The following TSC1 variants were observed in gnomAD, a reference collection of about 807,000 sequenced individuals.
TSC1 encodes the protein TSC complex subunit 1, also known as hamartin.
TSC1 carries 20 observed loss-of-function variants against 124.3 expected under a neutral mutation model. That is an observed-to-expected ratio of 0.16 (90% CI 0.11 to 0.23). The LOEUF (loss-of-function observed/expected upper bound fraction) is 0.23, where lower values mean the gene tolerates loss of function less well. Ranked by LOEUF, TSC1 falls within the 10% of genes least tolerant of loss-of-function variation. The pLI is 1.00. For synonymous variants in TSC1, 493 were observed against 539.1 expected, an observed-to-expected ratio of 0.91 and a Z score of 1.19; for missense variants, 1,124 against 1,448.5, an observed-to-expected ratio of 0.78 and a Z score of 3.64.
At chr9:132,926,314 T>C (rs1042053708) in intron 4 of TSC1, 3 of 170,156 alleles carry the variant, frequency 1.8e-5, no homozygotes, top group Admixed American at 1.6e-4. Context: ...GGGAACACAA[T>C]GAGACCTCAC....
intron 1 of TSC1, among the ~76,000 whole-genome samples, chr9:132,937,584 T>C (rs1847524791): frequency 6.6e-6 from 1 of 152,210 alleles, no homozygotes; most frequent in African/African-American, 2.4e-5. Context: ...AAAAGAAATA[T>C]CTAAGGCAAG....
intron 1 of TSC1, among the ~76,000 whole-genome samples, chr9:132,943,221 GCTTT>G (rs906794150): frequency 2.1e-5 from 3 of 143,370 alleles, no homozygotes; most frequent in Admixed American, 7.0e-5. Context: ...TTATTTGTAT[GCTTT>G]CTATTTAAAA....
intron 1 of TSC1, chr9:132,943,627 G>A (rs920668696): frequency 6.6e-6 from 1 of 152,180 alleles, no homozygotes; most frequent in Non-Finnish European, 1.5e-5. Flanking sequence ...TGAGAAGATT[G>A]GAGGTGTTAA....
In TSC1 at chr9:132,912,646, T is replaced by C. The variant is rs1328726584; in HGVS notation, c.738-189A>G. 9.4e-6 allele frequency: 6 copies of C among 635,714 alleles called. No homozygotes were observed. The Admixed American group carries it at 1.6e-4, about 17-fold the overall frequency. 39.4% of individuals were successfully genotyped at this position (635,714 alleles called of 1,614,324 possible). On this transcript the variant is annotated intron_variant, in intron 8 of 22. Coordinates refer to ENST00000298552, the MANE Select transcript of TSC1 (RefSeq NM_000368.5). ...TCATTTTACAATCCTATACCTTCCC[T>C]GTTTAAAATGGTTATATCAAGTTTA...
At position 132,894,321 on chromosome 9, in the gene TSC1, TGAG is replaced by T. The variant is rs758358370; in HGVS notation, c.*1911_*1913del. 11 of 230,840 alleles carry T rather than the reference TGAG, an allele frequency of 4.8e-5. No homozygotes were observed. Among genetic ancestry groups the T allele is most frequent in the Non-Finnish European group, 6.9e-5 (8 of 116,396 alleles). 14.3% of individuals were successfully genotyped at this position (230,840 alleles called of 1,614,324 possible). ...TTCTATGGCACAGATCTCTTGGGCA[TGAG>T]GAGAAGGAAAGCACTTAAAACCAGT... On this transcript the variant is annotated 3_prime_UTR_variant, in exon 23 of 23. Transcript: ENST00000298552.
At position 132,906,521 on chromosome 9, in the gene TSC1, C is replaced by T; in HGVS notation, c.1438+210G>A. 4 of 558,500 alleles carry T rather than the reference C, an allele frequency of 7.2e-6. No individual in the cohort carries two copies. The South Asian group carries it at 8.1e-5, about 11-fold the overall frequency. The allele number at this position is 558,500 out of a possible 1,614,324, so 34.6% of individuals were successfully genotyped here. A position where few individuals can be genotyped will look rare whatever the true frequency, so the allele number is the denominator to read the frequency against. On this transcript the variant is annotated intron_variant, in intron 14 of 22. Coordinates refer to ENST00000298552, the MANE Select transcript of TSC1 (RefSeq NM_000368.5). This position sits in a 1 kb window ranked among gnomAD's most constrained non-coding sequence, Gnocchi z 4.1. ...CCATGATCGTACCACTGCACTCCAGCCAGGGTGACAGAGCAAGACCCTGTC... is the reference window on the plus strand; with the variant it reads ...CCATGATCGTACCACTGCACTCCAGTCAGGGTGACAGAGCAAGACCCTGTC...
At chr9:132,904,318 G>A (rs1489014317) in intron 16 of TSC1, 93 bp downstream of exon 16, 7 of 1,414,586 alleles carry the variant, frequency 4.9e-6, no homozygotes, top group Non-Finnish European at 6.9e-6. Flanking sequence ...GGGGAGATCT[G>A]TTTCCCAGAG....
intron 3 of TSC1, 71 bp downstream of exon 3, chr9:132,928,696 G>A: frequency 6.3e-7 from 1 of 1,590,972 alleles, no homozygotes; most frequent in Admixed American, 1.7e-5. Flanking sequence ...TGTATCAGCA[G>A]GATTCTAGTG....
Position 132,928,903 on chromosome 9 carries a change from A to AG in TSC1, c.-32dup. 1 of 1,613,412 alleles carries AG rather than the reference A, an allele frequency of 6.2e-7. No homozygotes were observed. The highest frequency in any genetic ancestry group is 1.8e-4 in the Middle Eastern group (1 of 5,686). ...CGCTCGAAGGCGCTGTGCTGGCTCC[A>AG]GGACGTGTGCTACAGGTTCTGAAGG... On this transcript the variant is annotated 5_prime_UTR_variant, in exon 3 of 23. Coordinates refer to ENST00000298552, the MANE Select transcript of TSC1 (RefSeq NM_000368.5).
intron 1 of TSC1, among the ~76,000 whole-genome samples, chr9:132,937,338 G>A (rs1847507691): frequency 1.3e-5 from 2 of 152,228 alleles, no homozygotes; most frequent in African/African-American, 2.4e-5. Flanking sequence ...AGCTACTCGG[G>A]AGGCTAAGGC....
Position 132,928,876 on chromosome 9 carries a change from C to A in TSC1, c.-4G>T, listed in dbSNP as rs755266452. 6.2e-7 allele frequency: 1 copy of A among 1,614,112 alleles called. No homozygotes were observed. Among genetic ancestry groups the A allele is most frequent in the South Asian group, 1.1e-5 (1 of 91,072 alleles). On this transcript the variant is annotated 5_prime_UTR_variant, in exon 3 of 23. Transcript: ENST00000298552. ...CGACATTTGCTTGTTGGGCCATTCT[C>A]TCGCTCGAAGGCGCTGTGCTGGCTC...
Position 132,923,246 on chromosome 9 carries a change from T to C in TSC1, c.508+102A>G. On this transcript the variant is annotated intron_variant, in intron 6 of 22. Coordinates refer to ENST00000298552, the MANE Select transcript of TSC1 (RefSeq NM_000368.5). This position sits in a 1 kb window ranked among gnomAD's most constrained non-coding sequence, Gnocchi z 4.2. ...TCTGGTGAAAACCACTCATTTCAGCTATAAAAGTCTACATGTCCATTCCTT... is the reference window on the plus strand; with the variant it reads ...TCTGGTGAAAACCACTCATTTCAGCCATAAAAGTCTACATGTCCATTCCTT... The C allele has an allele frequency of 1.3e-6, 2 of 1,497,800 alleles. No individual in the cohort carries two copies. The highest frequency in any genetic ancestry group is 1.8e-6 in the Non-Finnish European group (2 of 1,112,252). 92.8% of individuals were successfully genotyped at this position (1,497,800 alleles called of 1,614,324 possible).
In TSC1 at chr9:132,935,080, G is replaced by T; in HGVS notation, c.-128C>A. ...TTCAGTTTCCAGTGCTGTCAACCTGGTGTCTTTCATGGTCACTGAAGGAAG... is the reference window on the plus strand; with the variant it reads ...TTCAGTTTCCAGTGCTGTCAACCTGTTGTCTTTCATGGTCACTGAAGGAAG... On this transcript the variant is annotated 5_prime_UTR_variant, in exon 2 of 23. Transcript: ENST00000298552. 1 of 399,040 alleles carries T rather than the reference G, an allele frequency of 2.5e-6. No individual in the cohort carries two copies. The highest frequency in any genetic ancestry group is 4.4e-6 in the Non-Finnish European group (1 of 226,064). 24.7% of individuals were successfully genotyped at this position (399,040 alleles called of 1,614,324 possible).
intron 1 of TSC1, among the ~76,000 whole-genome samples, chr9:132,937,362 G>A (rs1445767717): frequency 6.6e-6 from 1 of 152,188 alleles, no homozygotes; most frequent in Non-Finnish European, 1.5e-5. Flanking sequence ...AGAATCACTT[G>A]AACCCAGGAG....
At chr9:132,901,781 G>T in intron 18 of TSC1, 82 bp from the exon 19 acceptor site, 1 of 1,276,334 alleles carries the variant, frequency 7.8e-7, no homozygotes, top group Non-Finnish European at 1.1e-6. Flanking sequence ...AGCCCACAGA[G>T]GACTGGGAAT....
chr9:132,913,480 T>G (rs1389383837), intron 8 of TSC1, among the ~76,000 whole-genome samples: 1 of 152,104 alleles, frequency 6.6e-6, no homozygotes, highest in Non-Finnish European at 1.5e-5. Context: ...AACCCTTTGG[T>G]TGAACTTTGG....
intron 20 of TSC1, chr9:132,899,718 T>C (rs1243505451): frequency 6.6e-6 from 1 of 152,178 alleles, no homozygotes; most frequent in Non-Finnish European, 1.5e-5. Context: ...TTTTATGAAC[T>C]GGGAAACAGG....
chr9:132,944,261 G>A (rs1260458223), intron 1 of TSC1, among the ~76,000 whole-genome samples: 1 of 152,108 alleles, frequency 6.6e-6, no homozygotes, highest in African/African-American at 2.4e-5. Flanking sequence ...GAGGGACCGA[G>A]GCCCAGGGTG....
At chr9:132,944,290 C>T (rs1364403662) in intron 1 of TSC1, among the ~76,000 whole-genome samples, 1 of 152,144 alleles carries the variant, frequency 6.6e-6, no homozygotes, top group Non-Finnish European at 1.5e-5. Flanking sequence ...CCCTCGGGGG[C>T]CAAGGAGGGG....
Sources: allele counts gnomAD v4.1 joint callset (sites outside exome capture counted in the v4.1 genomes callset), GRCh38; gene constraint gnomAD v4.1.1; non-coding constraint Gnocchi (gnomAD v3.1); transcripts MANE v1.5; gene names NCBI Gene and HGNC (gene_info 2026-07-23, HGNC 2026-07-21).